The following SP4 variants were observed in gnomAD, a reference collection of about 807,000 sequenced individuals.
SP4 encodes transcription factor Sp4.
In SP4, 19 loss-of-function variants were observed where a neutral mutation model predicts 72.8. That is an observed-to-expected ratio of 0.26 (90% CI 0.18 to 0.38). The LOEUF (loss-of-function observed/expected upper bound fraction) is 0.38, where lower values mean the gene tolerates loss of function less well. Ranked by LOEUF, SP4 falls within the 10% of genes least tolerant of loss-of-function variation. The probability of loss-of-function intolerance (pLI) is 1.00; values close to 1 mark genes in which losing one functional copy is unlikely to be tolerated. For synonymous variants in SP4, 395 were observed against 333.1 expected, an observed-to-expected ratio of 1.19 and a Z score of -2.02; for missense variants, 1,008 against 926.3, an observed-to-expected ratio of 1.09 and a Z score of -1.14.
chr7:21,471,317 C>T (rs777317151), intron 3 of SP4, among the ~76,000 whole-genome samples: 10 of 152,074 alleles, frequency 6.6e-5, no homozygotes, highest in Non-Finnish European at 1.2e-4. Flanking sequence ...AGGGCTTGCA[C>T]TAGTGTACAA....
rs748012709 is a variant in SP4 at position 21,444,015 on chromosome 7, CTGT to C, written c.1678+13180_1678+13182del. Reference sequence around the variant, plus strand: ...TTTTTATTTTCAGAATTTCTCTCACCTGTTGTTGTTATTGGTAGGTTGTCACTG... The same window carrying C: ...TTTTTATTTTCAGAATTTCTCTCACCTGTTGTTATTGGTAGGTTGTCACTG... On this transcript the variant is annotated intron_variant, in intron 3 of 5. Coordinates refer to ENST00000222584, the MANE Select transcript of SP4 (RefSeq NM_003112.5). Among the ~76,000 whole-genome samples the C allele has an allele frequency of 2.8e-4, 42 of 152,178 alleles. No individual in the cohort carries two copies. In the Middle Eastern group the frequency reaches 0.014, roughly 49 times the overall value.
intron 5 of SP4, among the ~76,000 whole-genome samples, chr7:21,485,294 T>C (rs1280021530): frequency 1.3e-5 from 2 of 151,966 alleles, no homozygotes; most frequent in South Asian, 2.1e-4. Context: ...AATGGAGTTA[T>C]TTGTATTCAC....
chr7:21,464,999 A>T (rs78613468), intron 3 of SP4, among the ~76,000 whole-genome samples: 2,103 of 152,176 alleles, frequency 0.014, 48 homozygotes, highest in East Asian at 0.08. Flanking sequence ...AAATTAGAAA[A>T]TTTTTTTTGT....
At position 21,481,973 on chromosome 7, in the gene SP4, G is replaced by T; in HGVS notation, c.1957G>T (p.Gly653Ter). ...KKKQHICHIE[G>*]CGKVYGKTSH... ...GAAGCAGCATATCTGTCATATTGAA[G>T]GATGTGGTAAAGTTTATGGCAAAAC... Residue 653 changes from glycine (G) to a stop codon, truncating the protein, a stop_gained, in exon 5 of 6, where the codon GGA becomes TGA. Coordinates refer to ENST00000222584, the MANE Select transcript of SP4 (RefSeq NM_003112.5). LOFTEE classifies it high-confidence loss of function. The T allele has an allele frequency of 6.2e-7, 1 of 1,614,050 alleles. No homozygotes were observed.
At chr7:21,444,691 A>G (rs762411703) in intron 3 of SP4, among the ~76,000 whole-genome samples, 8 of 152,150 alleles carry the variant, frequency 5.3e-5, no homozygotes, top group African/African-American at 1.9e-4. Context: ...ATTTTTCACA[A>G]TCCTATGAAG....
intron 3 of SP4, among the ~76,000 whole-genome samples, chr7:21,436,141 T>A (rs1156848162): frequency 6.6e-6 from 1 of 152,086 alleles, no homozygotes; most frequent in Non-Finnish European, 1.5e-5. Flanking sequence ...TCAGGTGATC[T>A]CCCCACCTCA....
chr7:21,441,965 T>G (rs943978857), intron 3 of SP4, among the ~76,000 whole-genome samples: 1 of 151,994 alleles, frequency 6.6e-6, no homozygotes, highest in Non-Finnish European at 1.5e-5. Flanking sequence ...AGGACATGCT[T>G]TTTACATTTT....
chr7:21,451,876 C>A (rs1339970797), intron 3 of SP4, among the ~76,000 whole-genome samples: 1 of 152,168 alleles, frequency 6.6e-6, no homozygotes, highest in Admixed American at 6.5e-5. Context: ...TTCTGAGACT[C>A]CCAACATGCC....
intron 3 of SP4, among the ~76,000 whole-genome samples, chr7:21,464,104 C>G (rs1160817692): frequency 2.0e-5 from 3 of 150,800 alleles, no homozygotes; most frequent in Non-Finnish European, 4.4e-5. Context: ...CTGATTCATT[C>G]CCTTGTCAGG....
intron 2 of SP4, 101 bp downstream of exon 2, chr7:21,428,893 C>A: frequency 2.2e-6 from 2 of 911,690 alleles, no homozygotes; most frequent in Non-Finnish European, 3.3e-6. Context: ...AATGTTTATC[C>A]ACTCAAAGCA....
intron 3 of SP4, among the ~76,000 whole-genome samples, chr7:21,440,666 A>T (rs886498): frequency 0.55 from 83,213 of 151,860 alleles, 23,259 homozygotes; most frequent in Middle Eastern, 0.7. Flanking sequence ...CTTGGGAAAC[A>T]TGGTGAAACC....
intron 3 of SP4, among the ~76,000 whole-genome samples, chr7:21,468,191 A>G (rs1784226586): frequency 6.6e-6 from 1 of 152,098 alleles, no homozygotes; most frequent in South Asian, 2.1e-4. Context: ...AGCTAACAGC[A>G]CCTTATTTTA....
intron 5 of SP4, among the ~76,000 whole-genome samples, chr7:21,509,938 G>A (rs1021846435): frequency 2.0e-5 from 3 of 152,174 alleles, no homozygotes; most frequent in African/African-American, 7.2e-5. Flanking sequence ...TCATGGTGGA[G>A]GGCAAAGAGG....
intron 3 of SP4, among the ~76,000 whole-genome samples, chr7:21,473,900 G>A (rs1323829776): frequency 6.6e-6 from 1 of 152,166 alleles, no homozygotes; most frequent in Non-Finnish European, 1.5e-5. Flanking sequence ...GGCCTCGGAG[G>A]TCTTGCTCTG....
chr7:21,435,787 A>AT (rs1450933809), intron 3 of SP4, among the ~76,000 whole-genome samples: 1 of 151,704 alleles, frequency 6.6e-6, no homozygotes, highest in Non-Finnish European at 1.5e-5. Flanking sequence ...CTATTGAATG[A>AT]TTTTTTCATG....
chr7:21,471,086 A>G (rs1784328118), intron 3 of SP4: 4 of 534,696 alleles, frequency 7.5e-6, no homozygotes, highest in Non-Finnish European at 1.5e-5. Context: ...GACACAGAAC[A>G]TTAGAGAAGA....
At chr7:21,459,938 G>A (rs1375407813) in intron 3 of SP4, among the ~76,000 whole-genome samples, 4 of 152,148 alleles carry the variant, frequency 2.6e-5, no homozygotes, top group African/African-American at 9.7e-5. Context: ...AAAATAAAAG[G>A]TAATGCATAG....
In SP4 at chr7:21,513,320, T is replaced by C. The variant is rs930296126; in HGVS notation, c.*2051T>C. The C allele has an allele frequency of 1.3e-5, 2 of 152,608 alleles. No individual in the cohort carries two copies. The highest frequency in any genetic ancestry group is 2.9e-5 in the Non-Finnish European group (2 of 68,020). The allele number at this position is 152,608 out of a possible 1,614,324, so 9.5% of individuals were successfully genotyped here. A position where few individuals can be genotyped will look rare whatever the true frequency, so the allele number is the denominator to read the frequency against. ...GAAAAAAAAAATTTTTACACTGTGGTTATAAATTTCAAGTTTCTTAAAGCT... is the reference window on the plus strand; with the variant it reads ...GAAAAAAAAAATTTTTACACTGTGGCTATAAATTTCAAGTTTCTTAAAGCT... On this transcript the variant is annotated 3_prime_UTR_variant, in exon 6 of 6. Coordinates refer to ENST00000222584, the MANE Select transcript of SP4 (RefSeq NM_003112.5).
intron 1 of SP4, 69 bp from the exon 2 acceptor site, chr7:21,428,608 G>C (rs996714360): frequency 7.0e-7 from 1 of 1,428,710 alleles, no homozygotes; most frequent in East Asian, 2.5e-5. Context: ...AAGAGGAGAG[G>C]AAGAAGACGA....
Sources: allele counts gnomAD v4.1 joint callset (sites outside exome capture counted in the v4.1 genomes callset), GRCh38; gene constraint gnomAD v4.1.1; transcripts MANE v1.5; gene names NCBI Gene and HGNC (gene_info 2026-07-23, HGNC 2026-07-21).